The following NOTCH3 variants were observed in gnomAD, a reference collection of about 807,000 sequenced individuals.
NOTCH3 encodes notch receptor 3.
Under a neutral mutation model 213.3 loss-of-function variants are expected in NOTCH3, and 86 were observed. The observed-to-expected ratio is 0.40, with a 90% CI of 0.34 to 0.48. The LOEUF is 0.48. Among genes scored for constraint, NOTCH3 ranks in the 20% least tolerant of loss-of-function variants. NOTCH3 has a pLI of 0.57. For missense variants in NOTCH3, 2,783 were observed against 3,272.6 expected (o/e 0.85, Z 3.65); for synonymous variants, 1,354 against 1,355.9 (o/e 1.00, Z 0.03).
At chr19:15,186,258 A>C (rs933914834) in intron 12 of NOTCH3, among the ~76,000 whole-genome samples, 1 of 152,032 alleles carries the variant, frequency 6.6e-6, no homozygotes, top group Non-Finnish European at 1.5e-5. Context: ...GAGCCAACAC[A>C]CCTAGCAAAG....
At chr19:15,196,003 C>T (rs1486117285) in intron 2 of NOTCH3, among the ~76,000 whole-genome samples, 1 of 83,746 alleles carries the variant, frequency 1.2e-5, no homozygotes, top group East Asian at 3.0e-4. Context: ...CGTCTGCTGC[C>T]GGTGGGGGGG....
chr19:15,183,053 C>T (rs2046852907), intron 16 of NOTCH3, among the ~76,000 whole-genome samples: 1 of 151,988 alleles, frequency 6.6e-6, no homozygotes, highest in East Asian at 1.9e-4. Flanking sequence ...GAGTTTGAGA[C>T]CAGCCTAGAC....
Position 15,174,192 on chromosome 19 carries a change from T to G in NOTCH3, c.4612A>C (p.Ile1538Leu), listed in dbSNP as rs2145408818. 6.2e-7 allele frequency: 1 copy of G among 1,608,570 alleles called. No homozygotes were observed. The highest frequency in any genetic ancestry group is 1.1e-5 in the South Asian group (1 of 90,990). ...CGGAAGCGCAGCGAGGTGCGCAGGA[T>G]GGCGCTGAGCCGCTGCAGAAAGTCG... ...SADFLQRLSAILRTSLRFRLD... is the reference protein window; with the variant it reads ...SADFLQRLSALLRTSLRFRLD... Residue 1538 changes from isoleucine (I) to leucine (L), a missense_variant, in exon 25 of 33, where the codon ATC becomes CTC. Coordinates refer to ENST00000263388, the MANE Select transcript of NOTCH3 (RefSeq NM_000435.3).
rs1183947209 is a variant in NOTCH3, at chr19:15,174,085, C to A, written c.4719G>T (p.Leu1573=). 1.3e-6 allele frequency: 2 copies of A among 1,584,492 alleles called. No individual in the cohort carries two copies. The highest frequency in any genetic ancestry group is 3.4e-5 in the Admixed American group (2 of 58,774). The change falls in exon 25 of 33, where the codon CTG becomes CTT. Residue 1573 remains leucine, a synonymous_variant. Coordinates refer to ENST00000263388, the MANE Select transcript of NOTCH3 (RefSeq NM_000435.3). The part of the protein sequence containing the change: ...PGSEPRARRE[L]APEVIGSVVM... ...TCACTCACCCGATCACCTCGGGGGC[C>A]AGCTCCCGACGGGCCCGGGGTTCGG...
chr19:15,195,343 T>C (rs2046961142), intron 2 of NOTCH3, among the ~76,000 whole-genome samples: 2 of 152,012 alleles, frequency 1.3e-5, no homozygotes, highest in African/African-American at 2.4e-5. Flanking sequence ...GAATTGGAAC[T>C]GGGAGGGGTT....
chr19:15,161,825 A>G, intron 32 of NOTCH3, 111 bp from the exon 33 acceptor site: 1 of 911,672 alleles, frequency 1.1e-6, no homozygotes, highest in South Asian at 1.7e-5. Flanking sequence ...GGAGCTTGAC[A>G]GACCTGGGTT....
chr19:15,198,051 C>T (rs1463248025), intron 1 of NOTCH3, among the ~76,000 whole-genome samples: 1 of 152,124 alleles, frequency 6.6e-6, no homozygotes, highest in Non-Finnish European at 1.5e-5. Flanking sequence ...GGCAGGCCTG[C>T]GTGGTGCTCT....
intron 8 of NOTCH3, among the ~76,000 whole-genome samples, 161 bp from the exon 9 acceptor site, chr19:15,188,509 G>T (rs2046902189): frequency 6.6e-6 from 1 of 152,086 alleles, no homozygotes; most frequent in African/African-American, 2.4e-5. Flanking sequence ...CCACAGGCTG[G>T]ACTGTCACCC....
intron 29 of NOTCH3, 113 bp downstream of exon 29, chr19:15,167,136 T>A: frequency 8.5e-7 from 1 of 1,180,416 alleles, no homozygotes; most frequent in Non-Finnish European, 1.2e-6. Context: ...ACACACACCC[T>A]TCACAGAAGC....
At chr19:15,196,647 TC>T (rs1412252614) in intron 2 of NOTCH3, among the ~76,000 whole-genome samples, 1 of 152,138 alleles carries the variant, frequency 6.6e-6, no homozygotes, top group Non-Finnish European at 1.5e-5. Context: ...TTGAGAGACT[TC>T]TCCTTAGAGC....
chr19:15,187,008 C>T lies in NOTCH3; in HGVS notation c.1841-20G>A, dbSNP rs1352572706. The T allele has an allele frequency of 1.2e-6, 2 of 1,611,740 alleles. No individual in the cohort carries two copies. Among genetic ancestry groups the T allele is most frequent in the African/African-American group, 2.7e-5 (2 of 74,860 alleles). ...TCACACCTAGGGGCCAGGAACATGGCATGGAGTGGCCACCACTGTGCCCCA... is the reference window on the plus strand; with the variant it reads ...TCACACCTAGGGGCCAGGAACATGGTATGGAGTGGCCACCACTGTGCCCCA... On this transcript the variant is annotated intron_variant, in intron 11 of 32. Transcript: ENST00000263388.
intron 9 of NOTCH3, 35 bp from the exon 10 acceptor site, chr19:15,188,029 A>C: frequency 6.7e-7 from 1 of 1,501,170 alleles, no homozygotes; most frequent in Non-Finnish European, 9.1e-7. Context: ...GAGGCCCAGA[A>C]AGGGTGAGAG....
chr19:15,167,403 C>G lies in NOTCH3; in HGVS notation c.5208G>C (p.Glu1736Asp), dbSNP rs200331646. ...CPEAKRLKVE[E>D]PGMGAEEAVD... ...CAGCCTCCTCAGCCCCCATGCCTGG[C>G]TCCTCTACCTGGAGGGGCAGGCACC... Residue 1736 changes from glutamate to aspartate, a missense_variant, in exon 29 of 33, where the codon GAG (glutamate) becomes GAC (aspartate). Coordinates refer to ENST00000263388, the MANE Select transcript of NOTCH3 (RefSeq NM_000435.3). 16 of 1,605,528 alleles carry G rather than the reference C, an allele frequency of 1.0e-5. No individual in the cohort carries two copies. Among genetic ancestry groups the G allele is most frequent in the Non-Finnish European group, 1.3e-5 (15 of 1,179,990 alleles).
chr19:15,189,568 G>A (rs937655058), intron 6 of NOTCH3, 140 bp from the exon 7 acceptor site: 45 of 1,005,296 alleles, frequency 4.5e-5, no homozygotes, highest in Middle Eastern at 4.7e-4. Context: ...GCCCAAGCTG[G>A]AGTACAATAG....
In NOTCH3 at chr19:15,192,124, C is replaced by T. The variant is rs775461675; in HGVS notation, c.515G>A (p.Gly172Asp). 3.1e-6 allele frequency: 5 copies of T among 1,613,038 alleles called. No homozygotes were observed. The East Asian group carries it at 1.1e-4, about 36-fold the overall frequency. ...GGAGCCAGGTGTGTTGAGGCAGGTG[C>T]CACCATGGCGGCAGGGCTCACCCAC... ...CRVGEPCRHG[G>D]TCLNTPGSFR... Residue 172 changes from glycine to aspartate, a missense_variant, in exon 4 of 33, where the codon GGC becomes GAC. By Grantham distance (94) the Gly-to-Asp change is moderately conservative. This residue lies in a region of NOTCH3 where 708 missense variants were observed against 906.6 expected (regional missense o/e 0.78). Transcript: ENST00000263388.
chr19:15,173,978 G>A, intron 25 of NOTCH3, 90 bp downstream of exon 25: 3 of 1,129,082 alleles, frequency 2.7e-6, no homozygotes, highest in Non-Finnish European at 3.7e-6. Context: ...GTGGGTAAAG[G>A]CATTAAGTGA....
At chr19:15,186,028 T>C (rs1197384883) in intron 12 of NOTCH3, among the ~76,000 whole-genome samples, 5 of 152,260 alleles carry the variant, frequency 3.3e-5, no homozygotes, top group African/African-American at 1.2e-4. Flanking sequence ...CACCTCAGCC[T>C]CCCGAGTGGC....
At position 15,177,884 on chromosome 19, in the gene NOTCH3, G is replaced by A. The variant is rs78926093; in HGVS notation, c.4044C>T (p.Gly1348=). Residue 1348 remains glycine, a synonymous_variant, in exon 24 of 33, where the codon GGC becomes GGT. Transcript: ENST00000263388. ...SCAAAPCLHG[G]SCRPAPLAPF... ...GCGCGAGCGGCGCGGGGCGGCAGGA[G>A]CCCCCGTGGAGACAGGGGGCGGCCG... is the stretch of plus-strand genomic sequence containing the variant. The A allele has an allele frequency of 2.9e-3, 3,606 of 1,240,736 alleles. 17 individuals carry two copies. The highest frequency in any genetic ancestry group is 0.02 in the African/African-American group (1,256 of 63,770). 76.9% of individuals were successfully genotyped at this position (1,240,736 alleles called of 1,614,324 possible).
chr19:15,197,578 G>C lies in NOTCH3; in HGVS notation c.119C>G (p.Ala40Gly), dbSNP rs766139231. Residue 40 changes from alanine to glycine, a missense_variant and splice_region_variant, in exon 2 of 33, where the codon GCC (alanine) becomes GGC (glycine). Ala to Gly is a moderately conservative substitution (Grantham distance 60). This residue lies in a region of NOTCH3 where 708 missense variants were observed against 906.6 expected (regional missense o/e 0.78). Coordinates refer to ENST00000263388, the MANE Select transcript of NOTCH3 (RefSeq NM_000435.3). ...LLLLAGPGAA[A>G]PPCLDGSPCA... ...CGGGCTTCCGTCCAGGCAAGGGGGGGCTGTGTGGGGGTGAAGGAAGGTGGA... is the reference window on the plus strand; with the variant it reads ...CGGGCTTCCGTCCAGGCAAGGGGGGCCTGTGTGGGGGTGAAGGAAGGTGGA... 1.9e-6 allele frequency: 3 copies of C among 1,611,390 alleles called. No individual in the cohort carries two copies. Among genetic ancestry groups the C allele is most frequent in the South Asian group, 2.2e-5 (2 of 90,874 alleles).
Sources: gnomAD v4.1 joint callset for allele counts (sites outside exome capture counted in the v4.1 genomes callset) on GRCh38, gnomAD v4.1.1 for gene constraint, gnomAD v4.1.1 regional missense constraint, MANE v1.5 for transcripts, NCBI Gene and HGNC (gene_info 2026-07-23, HGNC 2026-07-21) for gene names.